Variants in CDS2 observed in about 807,000 individuals in gnomAD.
CDS2 encodes phosphatidate cytidylyltransferase 2.
Under a neutral mutation model 59.0 loss-of-function variants are expected in CDS2, and 47 were observed. The observed-to-expected ratio is 0.80, with a 90% CI of 0.63 to 1.02. The LOEUF (loss-of-function observed/expected upper bound fraction) is 1.02. Ranked by LOEUF, CDS2 falls within the 50% of genes least tolerant of loss-of-function variation. The pLI is 0.00. For missense variants in CDS2, 356 were observed against 558.9 expected (o/e 0.64, Z 3.66); for synonymous variants, 207 against 206.4 (o/e 1.00, Z -0.02).
rs62200449 is a variant in CDS2, at chr20:5,170,254, A to C, written c.58-3269A>C. ...GACATCTCCCCACCTCGCTGTGCCC[A>C]GAGGAGCAAACTGATGAATGTGTTC... On this transcript the variant is annotated intron_variant, in intron 1 of 12. Transcript: ENST00000460006. 9.2e-4 allele frequency among the ~76,000 whole-genome samples: 134 copies of C among 146,250 alleles called. 1 individual carries two copies. The highest frequency in any genetic ancestry group is 1.6e-3 in the Non-Finnish European group (108 of 66,558).
At chr20:5,134,442 A>G (rs2090632276) in intron 1 of CDS2, among the ~76,000 whole-genome samples, 4 of 152,142 alleles carry the variant, frequency 2.6e-5, no homozygotes. Flanking sequence ...GACTCCACAT[A>G]ATCAATTTTT....
intron 1 of CDS2, among the ~76,000 whole-genome samples, chr20:5,132,278 A>G (rs980931494): frequency 1.3e-5 from 2 of 152,074 alleles, no homozygotes; most frequent in Non-Finnish European, 2.9e-5. Context: ...TTTTATTTTT[A>G]GTAGAGACAA....
intron 1 of CDS2, among the ~76,000 whole-genome samples, chr20:5,167,951 T>C (rs6085020): frequency 0.44 from 67,493 of 152,074 alleles, 15,280 homozygotes; most frequent in South Asian, 0.6. Context: ...CCTTGAAGTC[T>C]GCCTTTTAAT....
chr20:5,187,288 A>G (rs909655171), intron 10 of CDS2: 7 of 185,970 alleles, frequency 3.8e-5, no homozygotes, highest in South Asian at 2.4e-4. Flanking sequence ...ATGAATGTCT[A>G]TGAAATAGTA....
At chr20:5,131,993 C>T (rs1324895423) in intron 1 of CDS2, among the ~76,000 whole-genome samples, 1 of 152,192 alleles carries the variant, frequency 6.6e-6, no homozygotes, top group Admixed American at 6.5e-5. Context: ...ATTAAATCTT[C>T]AAGTTATATA....
chr20:5,132,099 T>G (rs1302441173), intron 1 of CDS2, among the ~76,000 whole-genome samples: 1 of 151,324 alleles, frequency 6.6e-6, no homozygotes, highest in African/African-American at 2.5e-5. Context: ...ATTTTCAATT[T>G]TAATTTTTTT....
intron 2 of CDS2, among the ~76,000 whole-genome samples, chr20:5,174,479 G>GT (rs1416593652): frequency 6.6e-6 from 1 of 152,202 alleles, no homozygotes; most frequent in Non-Finnish European, 1.5e-5. Context: ...GCTCACGCCT[G>GT]TAATTCCAGC....
rs752256189 is a variant in CDS2, at chr20:5,173,611, A to G, written c.146A>G (p.Asp49Gly). Reference sequence around the variant, plus strand: ...TCCGCACCCCTGCCAGTCTCTGCAGATGATACCCCGGAGGTCCTCAATAGG... The same window carrying G: ...TCCGCACCCCTGCCAGTCTCTGCAGGTGATACCCCGGAGGTCCTCAATAGG... ...AESAPLPVSA[D>G]DTPEVLNRAL... The change falls in exon 2 of 13, where the codon GAT becomes GGT. Residue 49 changes from aspartate to glycine, a missense_variant. Transcript: ENST00000460006. 1.2e-6 allele frequency: 2 copies of G among 1,614,088 alleles called. No homozygotes were observed. The highest frequency in any genetic ancestry group is 2.2e-5 in the East Asian group (1 of 44,898).
At chr20:5,145,292 G>A (rs1417234212) in intron 1 of CDS2, among the ~76,000 whole-genome samples, 3 of 125,882 alleles carry the variant, frequency 2.4e-5, no homozygotes, top group Non-Finnish European at 4.6e-5. Context: ...CCATTCTAGC[G>A]CTCAATATTC....
intron 1 of CDS2, among the ~76,000 whole-genome samples, chr20:5,166,598 G>A (rs73063720): frequency 0.049 from 7,390 of 152,270 alleles, 255 homozygotes; most frequent in South Asian, 0.085. Context: ...CTGATGAAGA[G>A]GCAGTTCCTA....
chr20:5,158,277 C>G (rs2090849497), intron 1 of CDS2, among the ~76,000 whole-genome samples: 1 of 149,888 alleles, frequency 6.7e-6, no homozygotes, highest in South Asian at 2.1e-4. Context: ...TCAAGTGATT[C>G]TCTTGCCTCA....
In CDS2 at chr20:5,193,509, A is replaced by G. The variant is rs1303254540; in HGVS notation, c.*3275A>G. The G allele has an allele frequency of 1.3e-5, 2 of 152,238 alleles. No homozygotes were observed. Among genetic ancestry groups the G allele is most frequent in the East Asian group, 3.8e-4 (2 of 5,202 alleles). 9.4% of individuals were successfully genotyped at this position (152,238 alleles called of 1,614,324 possible). On this transcript the variant is annotated 3_prime_UTR_variant, in exon 13 of 13. Transcript: ENST00000460006. The stretch of plus-strand genomic sequence containing the variant: ...AAAAATATGTTTTAAGGGAGACTAC[A>G]CAGACCTTGTGATTTGGTCTGAGCT...
chr20:5,137,093 G>A (rs984621661), intron 1 of CDS2, among the ~76,000 whole-genome samples: 4 of 151,950 alleles, frequency 2.6e-5, no homozygotes, highest in Non-Finnish European at 5.9e-5. Flanking sequence ...CTGCATCCAT[G>A]TTGCCACAAA....
At position 5,175,241 on chromosome 20, in the gene CDS2, A is replaced by G. The variant is rs755090228; in HGVS notation, c.253A>G (p.Ile85Val). The G allele has an allele frequency of 3.1e-6, 5 of 1,614,080 alleles. No homozygotes were observed. Among genetic ancestry groups the G allele is most frequent in the Non-Finnish European group, 4.2e-6 (5 of 1,179,962 alleles). Residue 85 changes from isoleucine to valine, a missense_variant, in exon 3 of 13, where the codon ATC becomes GTC. Ile to Val is a conservative substitution (Grantham distance 29, BLOSUM62 3). Transcript: ENST00000460006. ...LTLAMIAFFF[I>V]IIYLGPMVLM... ...TTTGGCCATGATTGCATTTTTCTTC[A>G]TCATCATTTACCTGGGACCAATGGT...
intron 1 of CDS2, among the ~76,000 whole-genome samples, chr20:5,162,370 T>C (rs1191040026): frequency 6.6e-6 from 1 of 152,164 alleles, no homozygotes; most frequent in Non-Finnish European, 1.5e-5. Context: ...TGCAAAACAC[T>C]TCCGGTCTCA....
intron 1 of CDS2, among the ~76,000 whole-genome samples, chr20:5,137,172 T>C (rs2090655657): frequency 6.6e-6 from 1 of 151,820 alleles, no homozygotes; most frequent in African/African-American, 2.4e-5. Context: ...TTGGTGCCTC[T>C]GTGTCATGGA....
intron 1 of CDS2, among the ~76,000 whole-genome samples, chr20:5,129,780 T>A (rs914382504): frequency 1.3e-4 from 19 of 149,462 alleles, no homozygotes; most frequent in African/African-American, 4.7e-4. Flanking sequence ...GGGGTTTCAC[T>A]GTATTGGCCA....
chr20:5,131,059 C>T (rs924050395), intron 1 of CDS2, among the ~76,000 whole-genome samples: 3 of 146,764 alleles, frequency 2.0e-5, no homozygotes, highest in African/African-American at 5.1e-5. Context: ...CGCCACTGCA[C>T]GCCAGCCTGG....
At chr20:5,153,290 A>G (rs2122998479) in intron 1 of CDS2, among the ~76,000 whole-genome samples, 1 of 152,348 alleles carries the variant, frequency 6.6e-6, no homozygotes, top group South Asian at 2.1e-4. Context: ...ACATATGTAT[A>G]GAGTGCGTAC....
Sources: gnomAD v4.1 joint callset for allele counts (sites outside exome capture counted in the v4.1 genomes callset) on GRCh38, gnomAD v4.1.1 for gene constraint, MANE v1.5 for transcripts, NCBI Gene and HGNC (gene_info 2026-07-23, HGNC 2026-07-21) for gene names.